The following KARS1 variants were observed in gnomAD, a reference collection of about 807,000 sequenced individuals.
KARS1 encodes the protein lysyl-tRNA synthetase 1.
In KARS1, 50 loss-of-function variants were observed where a neutral mutation model predicts 63.9. The observed-to-expected ratio is 0.78, with a 90% CI of 0.62 to 0.99. KARS1 has a LOEUF of 0.99. KARS1 is among the 50% of genes least tolerant of loss of function. KARS1 has a pLI of 0.00. For synonymous variants in KARS1, 320 were observed against 264.6 expected (o/e 1.21, Z -2.03); for missense variants, 816 against 754.5 (o/e 1.08, Z -0.95).
At chr16:75,646,609 T>A (rs59297469) in intron 1 of KARS1, among the ~76,000 whole-genome samples, 1 of 151,570 alleles carries the variant, frequency 6.6e-6, no homozygotes, top group South Asian at 2.1e-4. Flanking sequence ...TCTCAGTAAC[T>A]CCTTGGGGAA....
intron 6 of KARS1, chr16:75,635,364 G>A (rs2082150701): frequency 8.7e-6 from 3 of 344,436 alleles, no homozygotes; most frequent in South Asian, 2.5e-5. Flanking sequence ...TTGTTTTATG[G>A]TACGTGTGTT....
At chr16:75,644,264 G>C in intron 1 of KARS1, 1 of 1,583,572 alleles carries the variant, frequency 6.3e-7, no homozygotes, top group Non-Finnish European at 8.6e-7. Context: ...GAGCAATAAA[G>C]AAGGTAATGG....
In KARS1 at chr16:75,630,558, G is replaced by A. The variant is rs755239135; in HGVS notation, c.1339-50C>T. On this transcript the variant is annotated intron_variant, in intron 10 of 13. Transcript: ENST00000302445. ...CAGTCACCATTTCTGAATAGTATTT[G>A]ATCGTCCCAGCCCAGACAGAAGATC... 6.0e-6 allele frequency: 7 copies of A among 1,165,232 alleles called. No individual in the cohort carries two copies. The South Asian group carries it at 8.5e-5, about 14-fold the overall frequency. 72.2% of individuals were successfully genotyped at this position (1,165,232 alleles called of 1,614,324 possible).
Position 75,644,311 on chromosome 16 carries a change from T to C in KARS1, c.63-2588A>G, listed in dbSNP as rs753598481. 6.9e-6 allele frequency: 11 copies of C among 1,605,708 alleles called. No individual in the cohort carries two copies. In the East Asian group the frequency reaches 1.3e-4, roughly 20 times the overall value. On this transcript the variant is annotated intron_variant, in intron 1 of 13. Transcript: ENST00000302445. ...CTTTGATCAGAAAATGACTTGTCCT[T>C]GTGAGGCGCTGTGAAAGGAGCAAGT...
chr16:75,628,635 G>A lies in KARS1; in HGVS notation c.1629C>T (p.Pro543=). The A allele has an allele frequency of 6.2e-7, 1 of 1,614,028 alleles. No homozygotes were observed. The highest frequency in any genetic ancestry group is 8.5e-7 in the Non-Finnish European group (1 of 1,179,892). ...CAATGCCCATGCCCCAGCCAGCTGT[G>A]GGGGGCAGCCCATATTCCAGGGCAG... is the stretch of plus-strand genomic sequence containing the variant. ...FCTALEYGLP[P]TAGWGMGIDR... Residue 543 remains proline (P), a synonymous_variant, in exon 13 of 14, where the codon CCC becomes CCT. Transcript: ENST00000302445.
At chr16:75,640,886 G>A (rs2082216927) in intron 2 of KARS1, among the ~76,000 whole-genome samples, 1 of 152,188 alleles carries the variant, frequency 6.6e-6, no homozygotes, top group Non-Finnish European at 1.5e-5. Context: ...GCACAGCTGT[G>A]TTCCAATACA....
chr16:75,641,808 A>C lies in KARS1; in HGVS notation c.63-85T>G. 2 of 1,422,526 alleles carry C rather than the reference A, an allele frequency of 1.4e-6. 1 individual carries two copies. Among genetic ancestry groups the C allele is most frequent in the South Asian group, 2.3e-5 (2 of 87,360 alleles). The allele number at this position is 1,422,526 out of a possible 1,614,324, so 88.1% of individuals were successfully genotyped here. ...CCCCTAGCAACTTATCAAAAACATGAATCGCCCAGGAGAAACGCTCTTGCT... is the reference window on the plus strand; with the variant it reads ...CCCCTAGCAACTTATCAAAAACATGCATCGCCCAGGAGAAACGCTCTTGCT... On this transcript the variant is annotated intron_variant, in intron 1 of 13. Coordinates refer to ENST00000302445, the MANE Select transcript of KARS1 (RefSeq NM_005548.3).
At chr16:75,629,238 C>T (rs1043444125) in intron 12 of KARS1, among the ~76,000 whole-genome samples, 177 bp downstream of exon 12, 5 of 152,222 alleles carry the variant, frequency 3.3e-5, no homozygotes, top group African/African-American at 9.6e-5. Flanking sequence ...CTCTTATGTA[C>T]GACAGACTCA....
At chr16:75,631,883 G>A (rs1421917398) in intron 7 of KARS1, 28 bp from the exon 8 acceptor site, 3 of 1,612,610 alleles carry the variant, frequency 1.9e-6, no homozygotes, top group Non-Finnish European at 1.7e-6. Context: ...CCACGGTCAT[G>A]ACAGCTAATC....
In KARS1 at chr16:75,647,645, C is replaced by G. The variant is rs766177979; in HGVS notation, c.-6G>C. ...GCCGCCTGCACGGCCGCCATCTTCC[C>G]GGAGGGCCCGACCCAAAAGTAAGGA... On this transcript the variant is annotated 5_prime_UTR_variant, in exon 1 of 14. Coordinates refer to ENST00000302445, the MANE Select transcript of KARS1 (RefSeq NM_005548.3). 6.2e-7 allele frequency: 1 copy of G among 1,613,870 alleles called. No individual in the cohort carries two copies. The highest frequency in any genetic ancestry group is 1.1e-5 in the South Asian group (1 of 91,060).
rs2082077575 is a variant in KARS1, at chr16:75,628,658, C to A, written c.1606G>T (p.Ala536Ser). Residue 536 changes from alanine to serine, a missense_variant, in exon 13 of 14, where the codon GCC (alanine) becomes TCC (serine). Transcript: ENST00000302445. ...AMFIDENFCT[A>S]LEYGLPPTAG... ...GTGGGGGGCAGCCCATATTCCAGGG[C>A]AGTACAGAAGTTTTCATCTATGAAC... 12 of 1,614,178 alleles carry A rather than the reference C, an allele frequency of 7.4e-6. No individual in the cohort carries two copies. Among genetic ancestry groups the A allele is most frequent in the Non-Finnish European group, 1.0e-5 (12 of 1,180,028 alleles).
At chr16:75,628,049 C>T in intron 13 of KARS1, 56 bp from the exon 14 acceptor site, 4 of 1,001,072 alleles carry the variant, frequency 4.0e-6, no homozygotes, top group Non-Finnish European at 6.4e-6. Flanking sequence ...CATTTTTTCA[C>T]AGCTATCTAC....
intron 7 of KARS1, among the ~76,000 whole-genome samples, chr16:75,633,142 C>T (rs947637599): frequency 6.6e-6 from 1 of 152,322 alleles, no homozygotes; most frequent in East Asian, 1.9e-4. Context: ...AGTGTGTTTA[C>T]TCAAAGCTTC....
intron 7 of KARS1, 123 bp downstream of exon 7, chr16:75,634,050 T>A: frequency 9.7e-7 from 1 of 1,035,604 alleles, no homozygotes; most frequent in East Asian, 2.4e-5. Context: ...ACCTGACCCA[T>A]CAGAACACTT....
chr16:75,641,941 T>C (rs989091472), intron 1 of KARS1, among the ~76,000 whole-genome samples: 3 of 152,120 alleles, frequency 2.0e-5, no homozygotes, highest in African/African-American at 7.2e-5. Flanking sequence ...AACAAAGATG[T>C]GAAAAATCAC....
At chr16:75,640,689 A>T (rs1372088914) in intron 2 of KARS1, among the ~76,000 whole-genome samples, 1 of 152,146 alleles carries the variant, frequency 6.6e-6, no homozygotes, top group Non-Finnish European at 1.5e-5. Flanking sequence ...TACGTTCTTA[A>T]CTGCTTATGT....
intron 9 of KARS1, 69 bp from the exon 10 acceptor site, chr16:75,631,322 AAT>A: frequency 6.3e-7 from 1 of 1,576,808 alleles, no homozygotes; most frequent in Non-Finnish European, 8.7e-7. Flanking sequence ...ACATAAAGAG[AAT>A]AGTGTGGGAA....
chr16:75,628,932 C>T (rs2082080529), intron 12 of KARS1: 3 of 587,742 alleles, frequency 5.1e-6, no homozygotes, highest in African/African-American at 3.9e-5. Context: ...AGAACACATA[C>T]AAATTTCTCT....
intron 1 of KARS1, 93 bp from the exon 2 acceptor site, chr16:75,641,816 A>C: frequency 7.5e-7 from 1 of 1,330,126 alleles, no homozygotes; most frequent in Middle Eastern, 1.8e-4. Flanking sequence ...TGAATCGCCC[A>C]GGAGAAACGC....
Sources: allele counts gnomAD v4.1 joint callset (sites outside exome capture counted in the v4.1 genomes callset), GRCh38; gene constraint gnomAD v4.1.1; transcripts MANE v1.5; gene names NCBI Gene and HGNC (gene_info 2026-07-23, HGNC 2026-07-21).